Variants in PIGV observed in about 807,000 individuals in gnomAD.
The protein encoded by PIGV is phosphatidylinositol glycan anchor biosynthesis class V.
A neutral mutation model predicts 39.2 loss-of-function variants in PIGV; 27 were observed. The ratio of observed to expected loss-of-function variants is 0.69; its 90% CI spans 0.51 to 0.95. The LOEUF is 0.95. Among genes scored for constraint, PIGV ranks in the 40% least tolerant of loss-of-function variants. The pLI is 0.00. For synonymous variants in PIGV, 232 were observed against 241.7 expected (o/e 0.96, Z 0.37); for missense variants, 523 against 586.4 (o/e 0.89, Z 1.12).
chr1:26,793,004 G>A (rs1278587102), intron 2 of PIGV, among the ~76,000 whole-genome samples: 2 of 152,086 alleles, frequency 1.3e-5, no homozygotes, highest in African/African-American at 2.4e-5. Context: ...TTCCATATGC[G>A]CCCATCACAT....
In PIGV at chr1:26,798,859, C is replaced by T. The variant is rs1045746399; in HGVS notation, c.*1015C>T. Among the ~76,000 whole-genome samples, 2 of 152,100 alleles carry T rather than the reference C, an allele frequency of 1.3e-5. No homozygotes were observed. The highest frequency in any genetic ancestry group is 4.8e-5 in the African/African-American group (2 of 41,396). On this transcript the variant is annotated 3_prime_UTR_variant, in exon 4 of 4. Coordinates refer to ENST00000674202, the MANE Select transcript of PIGV (RefSeq NM_017837.4). ...GGATTCTAGTCCTCTCAGTAAAACC[C>T]CATTTACCAGCCATGTGACTTGGGA... is the stretch of plus-strand genomic sequence containing the variant.
At chr1:26,792,563 G>A (rs1279861849) in intron 2 of PIGV, among the ~76,000 whole-genome samples, 4 of 152,062 alleles carry the variant, frequency 2.6e-5, no homozygotes, top group Non-Finnish European at 4.4e-5. Flanking sequence ...TCCTGACCTC[G>A]TGATCTGCCT....
In PIGV at chr1:26,794,364, T is replaced by C; in HGVS notation, c.330T>C (p.Ser110=). The change falls in exon 3 of 4, where the codon AGT becomes AGC. Residue 110 remains serine (S), a synonymous_variant. Transcript: ENST00000674202. ...TGAGACCCTTACGGGGGTTACTGAG[T>C]CTACGCAGTTGCCTGCTGATTTCGG... ...ELLRPLRGLL[S]LRSCLLISVA... 1.9e-6 allele frequency: 3 copies of C among 1,614,194 alleles called. No individual in the cohort carries two copies. The highest frequency in any genetic ancestry group is 2.5e-6 in the Non-Finnish European group (3 of 1,180,032).
chr1:26,793,837 C>T (rs1011030389), intron 2 of PIGV, among the ~76,000 whole-genome samples: 4 of 151,806 alleles, frequency 2.6e-5, no homozygotes, highest in South Asian at 2.1e-4. Context: ...TTAAACTCCT[C>T]GGCTCAAGTG....
In PIGV at chr1:26,794,705, C is replaced by G. The variant is rs909295293; in HGVS notation, c.671C>G (p.Ser224Cys). Residue 224 changes from serine to cysteine, a missense_variant, in exon 3 of 4, where the codon TCT becomes TGT. Coordinates refer to ENST00000674202, the MANE Select transcript of PIGV (RefSeq NM_017837.4). ...MHSQCQGFFS[S>C]LTMLNPLRQL... ...TCTCAATGCCAAGGCTTTTTCTCTT[C>G]TCTAACGATGCTGAATCCTCTGAGA... is the stretch of plus-strand genomic sequence containing the variant. The G allele has an allele frequency of 3.1e-6, 5 of 1,614,114 alleles. No homozygotes were observed. The African/African-American group carries it at 4.0e-5, about 13-fold the overall frequency.
chr1:26,788,416 T>C (rs959266560), intron 1 of PIGV, 148 bp downstream of exon 1: 1 of 152,288 alleles, frequency 6.6e-6, no homozygotes, highest in Non-Finnish European at 1.5e-5. Flanking sequence ...TTCTCCAGCC[T>C]GCGCAGGGGG....
chr1:26,794,429 T>G lies in PIGV; in HGVS notation c.395T>G (p.Val132Gly). ...LNFLFFMLAA[V>G]ALHDLGCLVL... Reference sequence around the variant, plus strand: ...TTCTTGTTCTTCATGTTGGCTGCAGTTGCACTTCATGACCTGGGTTGTCTG... The same window carrying G: ...TTCTTGTTCTTCATGTTGGCTGCAGGTGCACTTCATGACCTGGGTTGTCTG... Residue 132 changes from valine (V) to glycine (G), a missense_variant, in exon 3 of 4, where the codon GTT (valine) becomes GGT (glycine). Coordinates refer to ENST00000674202, the MANE Select transcript of PIGV (RefSeq NM_017837.4). 2 of 1,614,218 alleles carry G rather than the reference T, an allele frequency of 1.2e-6. No homozygotes were observed. The highest frequency in any genetic ancestry group is 1.7e-6 in the Non-Finnish European group (2 of 1,179,996).
At chr1:26,788,361 G>GC (rs942568684) in intron 1 of PIGV, 93 bp downstream of exon 1, 1 of 152,366 alleles carries the variant, frequency 6.6e-6, no homozygotes, top group Non-Finnish European at 1.5e-5. Context: ...ACAGAAGGCA[G>GC]CCCCCACGAG....
At position 26,794,346 on chromosome 1, in the gene PIGV, C is replaced by G. The variant is rs377286273; in HGVS notation, c.312C>G (p.Pro104=). 1 of 1,614,222 alleles carries G rather than the reference C, an allele frequency of 6.2e-7. No homozygotes were observed. Among genetic ancestry groups the G allele is most frequent in the Non-Finnish European group, 8.5e-7 (1 of 1,180,024 alleles). Residue 104 remains proline, a synonymous_variant, in exon 3 of 4, where the codon CCC becomes CCG. Coordinates refer to ENST00000674202, the MANE Select transcript of PIGV (RefSeq NM_017837.4). ...TGGTGGGGACTGAACTGTTGAGACC[C>G]TTACGGGGGTTACTGAGTCTACGCA... ...ALLVGTELLR[P]LRGLLSLRSC...
Position 26,795,485 on chromosome 1 carries a change from G to T in PIGV, c.1200+251G>T, listed in dbSNP as rs201148789. On this transcript the variant is annotated intron_variant, in intron 3 of 3. Coordinates refer to ENST00000674202, the MANE Select transcript of PIGV (RefSeq NM_017837.4). ...CCCAGCAATTTGGGAGGCTGAGGTG[G>T]GTGGATCACAAGGTCAGGGGTTCAA... 3.9e-5 allele frequency among the ~76,000 whole-genome samples: 6 copies of T among 152,206 alleles called. No individual in the cohort carries two copies. In the East Asian group the frequency reaches 9.7e-4, roughly 25 times the overall value.
At chr1:26,791,869 C>T (rs2081313575) in intron 2 of PIGV, among the ~76,000 whole-genome samples, 1 of 152,206 alleles carries the variant, frequency 6.6e-6, no homozygotes. Context: ...CTCCTGTTGC[C>T]AGGCTAGGGA....
rs1249748848 is a variant in PIGV at position 26,788,025 on chromosome 1, G to A, written c.-301G>A. ...CGCCGGGGAGGTCGGGACGGGCAGGGGCTGAGGACCCCGCGCCAGCTTGGG... is the reference window on the plus strand; with the variant it reads ...CGCCGGGGAGGTCGGGACGGGCAGGAGCTGAGGACCCCGCGCCAGCTTGGG... On this transcript the variant is annotated 5_prime_UTR_variant, in exon 1 of 4. Coordinates refer to ENST00000674202, the MANE Select transcript of PIGV (RefSeq NM_017837.4). 2.0e-5 allele frequency: 3 copies of A among 152,474 alleles called. No individual in the cohort carries two copies. Among genetic ancestry groups the A allele is most frequent in the African/African-American group, 7.2e-5 (3 of 41,590 alleles). The allele number at this position is 152,474 out of a possible 1,614,324, so 9.4% of individuals were successfully genotyped here.
intron 1 of PIGV, 80 bp downstream of exon 1, chr1:26,788,348 C>A (rs531047432): frequency 1.3e-5 from 2 of 152,384 alleles, no homozygotes; most frequent in South Asian, 4.1e-4. Context: ...CACGGCTGGG[C>A]TGACAGAAGG....
At chr1:26,792,017 A>G (rs572507999) in intron 2 of PIGV, among the ~76,000 whole-genome samples, 4 of 152,352 alleles carry the variant, frequency 2.6e-5, no homozygotes, top group East Asian at 3.9e-4. Context: ...TGGAAACAGT[A>G]TATTTCCTCT....
At position 26,800,178 on chromosome 1, in the gene PIGV, C is replaced by T. The variant is rs905156217; in HGVS notation, c.*2334C>T. 5.9e-5 allele frequency among the ~76,000 whole-genome samples: 9 copies of T among 151,796 alleles called. No individual in the cohort carries two copies. The highest frequency in any genetic ancestry group is 1.2e-4 in the Non-Finnish European group (8 of 67,962). ...GAGCTGGACAAGGTTTTCTCTCTGA[C>T]CTTGCAGGGATTTAGTTGTTCTCTA... On this transcript the variant is annotated 3_prime_UTR_variant, in exon 4 of 4. Transcript: ENST00000674202.
intron 3 of PIGV, among the ~76,000 whole-genome samples, 150 bp from the exon 4 acceptor site, chr1:26,797,410 ATCC>A (rs1346044548): frequency 6.6e-6 from 1 of 152,210 alleles, no homozygotes; most frequent in African/African-American, 2.4e-5. Context: ...TCTAAGACAG[ATCC>A]TAAGCTGTGT....
chr1:26,790,541 A>G (rs182864925), intron 1 of PIGV, among the ~76,000 whole-genome samples: 2 of 152,304 alleles, frequency 1.3e-5, no homozygotes, highest in Admixed American at 1.3e-4. Context: ...CTTTCCAGCT[A>G]CTTGCTTAGC....
In PIGV at chr1:26,788,213, T is replaced by G. The variant is rs913540509; in HGVS notation, c.-113T>G. ...CTCGTCTGCTTCCGGCCCTGTGGCC[T>G]GGTGGGGCTCTGCAGGCTCCCTCGG... On this transcript the variant is annotated 5_prime_UTR_variant, in exon 1 of 4. Transcript: ENST00000674202. The G allele has an allele frequency of 1.3e-5, 2 of 152,478 alleles. No homozygotes were observed. The highest frequency in any genetic ancestry group is 4.8e-5 in the African/African-American group (2 of 41,474). 9.4% of individuals were successfully genotyped at this position (152,478 alleles called of 1,614,324 possible). A position where few individuals can be genotyped will look rare whatever the true frequency, so the allele number is the denominator to read the frequency against.
Position 26,799,604 on chromosome 1 carries a change from G to GGGAA in PIGV, c.*1762_*1765dup, listed in dbSNP as rs1445160224. On this transcript the variant is annotated 3_prime_UTR_variant, in exon 4 of 4. Transcript: ENST00000674202. ...CAGAAAGCTCAACTTGCCAGCTGAA[G>GGGAA]GGAAGCTCCTGGCTGAGCCCCAGCA... 1.3e-5 allele frequency among the ~76,000 whole-genome samples: 2 copies of GGGAA among 152,230 alleles called. No homozygotes were observed. Among genetic ancestry groups the GGGAA allele is most frequent in the African/African-American group, 4.8e-5 (2 of 41,466 alleles).
Sources: gnomAD v4.1 joint callset for allele counts (sites outside exome capture counted in the v4.1 genomes callset) on GRCh38, gnomAD v4.1.1 for gene constraint, MANE v1.5 for transcripts, NCBI Gene and HGNC (gene_info 2026-07-23, HGNC 2026-07-21) for gene names.